Variants in NXN observed in about 807,000 individuals in gnomAD.
The protein encoded by NXN is nucleoredoxin, also known as nucleoredoxin 1.
A neutral mutation model predicts 48.6 loss-of-function variants in NXN; 16 were observed. The observed-to-expected ratio is 0.33, with a 90% CI of 0.22 to 0.50. The LOEUF (loss-of-function observed/expected upper bound fraction) is 0.50, where lower values mean the gene tolerates loss of function less well. Among genes scored for constraint, NXN ranks in the 20% least tolerant of loss-of-function variants. The probability of loss-of-function intolerance (pLI) is 0.98; values close to 1 mark genes in which losing one functional copy is unlikely to be tolerated. For missense variants in NXN, 492 were observed against 605.5 expected (o/e 0.81, Z 1.97); for synonymous variants, 281 against 269.6 (o/e 1.04, Z -0.41).
chr17:864,180 C>T (rs1469458897), intron 1 of NXN: 31 of 1,227,690 alleles, frequency 2.5e-5, no homozygotes, highest in East Asian at 5.5e-5. Flanking sequence ...ACGCGTCTGC[C>T]GTTGCTCGGT....
intron 1 of NXN, among the ~76,000 whole-genome samples, chr17:947,933 C>A (rs1046191133): frequency 4.0e-5 from 6 of 150,598 alleles, no homozygotes; most frequent in Admixed American, 1.3e-4. Context: ...CGCCTGTACT[C>A]CCAGCTACTC....
chr17:807,723 GTTC>G, intron 5 of NXN, among the ~76,000 whole-genome samples: 2 of 152,368 alleles, frequency 1.3e-5, no homozygotes, highest in African/African-American at 4.8e-5. Flanking sequence ...AGCCACTCGT[GTTC>G]GGCCCCTGCA....
chr17:801,262 TC>T, intron 7 of NXN, 131 bp from the exon 8 acceptor site: 1 of 596,282 alleles, frequency 1.7e-6, no homozygotes, highest in Non-Finnish European at 2.5e-6. Flanking sequence ...AGCAGAGGGC[TC>T]CCAGCCTGGG....
At chr17:943,291 T>C (rs1447931408) in intron 1 of NXN, among the ~76,000 whole-genome samples, 1 of 152,068 alleles carries the variant, frequency 6.6e-6, no homozygotes, top group Non-Finnish European at 1.5e-5. Context: ...CAGCTCTGTA[T>C]GAACTACCCA....
At chr17:863,838 C>T in intron 1 of NXN, 3 of 847,214 alleles carry the variant, frequency 3.5e-6, no homozygotes, top group Non-Finnish European at 3.7e-6. Context: ...AAATCCACGT[C>T]ATTCAAGGAT....
At chr17:947,507 C>T (rs936074036) in intron 1 of NXN, among the ~76,000 whole-genome samples, 1 of 151,582 alleles carries the variant, frequency 6.6e-6, no homozygotes, top group East Asian at 1.9e-4. Flanking sequence ...CCGAGGTGGG[C>T]GGATCACTTG....
intron 1 of NXN, among the ~76,000 whole-genome samples, chr17:966,765 G>C (rs1244178704): frequency 1.4e-5 from 2 of 145,452 alleles, no homozygotes; most frequent in African/African-American, 5.1e-5. Context: ...TGCCTGGACA[G>C]ACCACACTGG....
intron 1 of NXN, among the ~76,000 whole-genome samples, chr17:868,573 C>A (rs888979891): frequency 6.6e-6 from 1 of 152,098 alleles, no homozygotes; most frequent in Non-Finnish European, 1.5e-5. Flanking sequence ...CTTACTGCAA[C>A]CTCCGCCTCC....
rs531049967 is a variant in NXN at position 956,981 on chromosome 17, G to T, written c.360+22338C>A. Among the ~76,000 whole-genome samples the T allele has an allele frequency of 6.6e-6, 1 of 152,164 alleles. No individual in the cohort carries two copies. The highest frequency in any genetic ancestry group is 6.5e-5 in the Admixed American group (1 of 15,268). Reference sequence around the variant, plus strand: ...CCCAGAAAAAACTCTAAATTTATAGGTATATATATTTCATGCCTTATCTCC... The same window carrying T: ...CCCAGAAAAAACTCTAAATTTATAGTTATATATATTTCATGCCTTATCTCC... On this transcript the variant is annotated intron_variant, in intron 1 of 7. Transcript: ENST00000336868. The surrounding 1 kb of genome is among the most constrained non-coding windows in gnomAD (Gnocchi z 4.1).
At chr17:972,797 T>C (rs1003121025) in intron 1 of NXN, among the ~76,000 whole-genome samples, 4 of 152,158 alleles carry the variant, frequency 2.6e-5, no homozygotes, top group African/African-American at 9.7e-5. Flanking sequence ...TTTGGGAGGC[T>C]GACGCGGGTG....
intron 1 of NXN, among the ~76,000 whole-genome samples, chr17:945,020 G>A (rs757223582): frequency 3.3e-5 from 5 of 152,086 alleles, no homozygotes; most frequent in Non-Finnish European, 7.4e-5. Context: ...TTCTCACAAG[G>A]GTTGCCTCCG....
At chr17:858,583 C>T (rs908495013) in intron 1 of NXN, among the ~76,000 whole-genome samples, 1 of 151,862 alleles carries the variant, frequency 6.6e-6, no homozygotes, top group Non-Finnish European at 1.5e-5. Flanking sequence ...AAAAAATTAG[C>T]CTGGCATGGT....
intron 1 of NXN, among the ~76,000 whole-genome samples, chr17:961,153 G>T (rs2069232224): frequency 6.6e-6 from 1 of 151,930 alleles, no homozygotes; most frequent in African/African-American, 2.4e-5. Flanking sequence ...CAGCACTTTG[G>T]GAGGCTGAGG....
chr17:854,376 C>T (rs1346813183), intron 1 of NXN, among the ~76,000 whole-genome samples: 5 of 152,022 alleles, frequency 3.3e-5, no homozygotes, highest in South Asian at 2.1e-4. Flanking sequence ...CAGCCGGGAG[C>T]GGTGGCTCAC....
At chr17:845,740 A>G (rs1230653992) in intron 1 of NXN, among the ~76,000 whole-genome samples, 2 of 152,226 alleles carry the variant, frequency 1.3e-5, no homozygotes, top group Non-Finnish European at 2.9e-5. Flanking sequence ...TTCCATTTTC[A>G]CACATTTGTC....
rs1274960466 is a variant in NXN at position 805,063 on chromosome 17, C to T, written c.1000+5G>A. 1.3e-6 allele frequency: 2 copies of T among 1,559,284 alleles called. No homozygotes were observed. The highest frequency in any genetic ancestry group is 1.2e-5 in the South Asian group (1 of 86,460). On this transcript the variant is annotated splice_donor_5th_base_variant and intron_variant, in intron 6 of 7. Transcript: ENST00000336868. Reference sequence around the variant, plus strand: ...CCTCGCCCCCTGCCCCCGTGAGCTTCATACCTACAAAAAGGACGAGGCAGG... The same window carrying T: ...CCTCGCCCCCTGCCCCCGTGAGCTTTATACCTACAAAAAGGACGAGGCAGG...
At chr17:878,279 C>G (rs1235299917) in intron 1 of NXN, 2 of 151,338 alleles carry the variant, frequency 1.3e-5, no homozygotes, top group African/African-American at 4.9e-5. Flanking sequence ...CAAGGTACGG[C>G]AATGGGCGAT....
intron 1 of NXN, among the ~76,000 whole-genome samples, chr17:863,685 A>T (rs2068064779): frequency 6.7e-6 from 1 of 149,380 alleles, no homozygotes; most frequent in African/African-American, 2.5e-5. Flanking sequence ...CTGGTCTTGA[A>T]CTCCTGGGCT....
intron 5 of NXN, among the ~76,000 whole-genome samples, chr17:805,784 G>A (rs1490490297): frequency 1.3e-5 from 2 of 152,160 alleles, no homozygotes; most frequent in African/African-American, 4.8e-5. Flanking sequence ...GTTGCAGTGA[G>A]CCAGGATTGC....
Sources: allele counts gnomAD v4.1 joint callset (sites outside exome capture counted in the v4.1 genomes callset), GRCh38; gene constraint gnomAD v4.1.1; non-coding constraint Gnocchi (gnomAD v3.1); transcripts MANE v1.5; gene names NCBI Gene and HGNC (gene_info 2026-07-23, HGNC 2026-07-21).